NEBL: variants seen among roughly 807,000 people sequenced by gnomAD.
The protein encoded by NEBL is LIM and SH3 protein 2.
NEBL carries 122 observed loss-of-function variants against 140.2 expected under a neutral mutation model. The ratio of observed to expected loss-of-function variants is 0.87; its 90% CI spans 0.75 to 1.01. The LOEUF is 1.01. NEBL is among the 50% of genes least tolerant of loss of function. NEBL has a pLI of 0.00. For missense variants in NEBL, 1,365 were observed against 1,231.3 expected, an observed-to-expected ratio of 1.11 and a Z score of -1.62; for synonymous variants, 436 against 398.9, an observed-to-expected ratio of 1.09 and a Z score of -1.11.
chr10:21,104,677 G>C (rs1564512720), intron 2 of NEBL, among the ~76,000 whole-genome samples: 1 of 152,042 alleles, frequency 6.6e-6, no homozygotes, highest in Non-Finnish European at 1.5e-5. Flanking sequence ...TGTGAATGAA[G>C]GTAGTTGTAT....
At chr10:21,056,564 T>C (rs1835032478) in intron 2 of NEBL, among the ~76,000 whole-genome samples, 1 of 152,182 alleles carries the variant, frequency 6.6e-6, no homozygotes, top group Non-Finnish European at 1.5e-5. Flanking sequence ...ATGTTGAACA[T>C]GCATAGAGAA....
In NEBL at chr10:21,173,664, C is replaced by G; in HGVS notation, c.69+101G>C. On this transcript the variant is annotated intron_variant, in intron 1 of 6. Transcript: ENST00000417816. This position sits in a 1 kb window ranked among gnomAD's most constrained non-coding sequence, Gnocchi z 5.7. Reference sequence around the variant, plus strand: ...CGTGCCAAGGCACACGCACACGCACCGACCCACTCATTGCTTTCCATCCCA... The same window carrying G: ...CGTGCCAAGGCACACGCACACGCACGGACCCACTCATTGCTTTCCATCCCA... 2 of 1,580,264 alleles carry G rather than the reference C, an allele frequency of 1.3e-6. No individual in the cohort carries two copies. The highest frequency in any genetic ancestry group is 1.7e-6 in the Non-Finnish European group (2 of 1,161,674).
At chr10:20,984,678 C>A (rs1441480631) in intron 3 of NEBL, among the ~76,000 whole-genome samples, 1 of 151,972 alleles carries the variant, frequency 6.6e-6, no homozygotes, top group Non-Finnish European at 1.5e-5. Context: ...GCAGTTCTTC[C>A]TCACCAAGCA....
intron 19 of NEBL, among the ~76,000 whole-genome samples, chr10:20,819,900 G>A (rs1336073449): frequency 1.3e-5 from 2 of 151,884 alleles, no homozygotes; most frequent in Admixed American, 6.6e-5. Flanking sequence ...CTTATCAAAT[G>A]TTTTAAGTCA....
At chr10:21,157,857 G>A (rs897025886) in intron 2 of NEBL, among the ~76,000 whole-genome samples, 3 of 152,128 alleles carry the variant, frequency 2.0e-5, no homozygotes, top group African/African-American at 7.2e-5. Context: ...ATACAAGATG[G>A]CTGGTGTCCT....
At position 21,169,070 on chromosome 10, in the gene NEBL, ATATATAT is replaced by A. The variant is rs1564534607; in HGVS notation, c.164+3306_164+3312del. Among the ~76,000 whole-genome samples, 201 of 44,186 alleles carry A rather than the reference ATATATAT, an allele frequency of 4.5e-3. 2 individuals are homozygous for A. The highest frequency in any genetic ancestry group is 5.0e-3 in the Non-Finnish European group (126 of 25,102). 29.0% of individuals were successfully genotyped at this position (44,186 alleles called of 152,430 possible). A position where few individuals can be genotyped will look rare whatever the true frequency, so the allele number is the denominator to read the frequency against. ...TCTACAAAAAAAAAAAAAAAAAAATATATATATATATATATATATATATATATATATA... is the reference window on the plus strand; with the variant it reads ...TCTACAAAAAAAAAAAAAAAAAAATAATATATATATATATATATATATATA... On this transcript the variant is annotated intron_variant, in intron 2 of 6. Transcript: ENST00000417816.
chr10:21,263,703 G>A (rs1261945433), intron 1 of NEBL, among the ~76,000 whole-genome samples: 4 of 152,132 alleles, frequency 2.6e-5, no homozygotes, highest in African/African-American at 4.8e-5. Context: ...AGTGGCTCAC[G>A]CCTGTAATCC....
chr10:20,924,916 AAG>A (rs1346096420), intron 4 of NEBL, among the ~76,000 whole-genome samples: 1 of 152,084 alleles, frequency 6.6e-6, no homozygotes, highest in East Asian at 1.9e-4. Context: ...ACAAAGGACA[AAG>A]AGATGATCTG....
chr10:21,144,357 T>C (rs1839787787), intron 2 of NEBL, among the ~76,000 whole-genome samples: 1 of 152,170 alleles, frequency 6.6e-6, no homozygotes, highest in African/African-American at 2.4e-5. Context: ...CATTCAACCA[T>C]CCAAATCGCC....
rs7078595 is a variant in NEBL at position 20,889,075 on chromosome 10, T to C, written c.258+770A>G. ...AATTGTTTCGCATTAGCAGAAATAATCCCAAGGACATCCAGTTGATCTTTT... is the reference window on the plus strand; with the variant it reads ...AATTGTTTCGCATTAGCAGAAATAACCCCAAGGACATCCAGTTGATCTTTT... On this transcript the variant is annotated intron_variant, in intron 3 of 27. Coordinates refer to ENST00000377122, the MANE Select transcript of NEBL (RefSeq NM_006393.3). Among the ~76,000 whole-genome samples the C allele has an allele frequency of 4.7e-3, 721 of 152,310 alleles. 4 individuals are homozygous for C. The highest frequency in any genetic ancestry group is 0.016 in the African/African-American group (675 of 41,568).
intron 4 of NEBL, among the ~76,000 whole-genome samples, chr10:20,942,915 C>A (rs1834957668): frequency 1.3e-5 from 2 of 152,114 alleles, no homozygotes; most frequent in Admixed American, 1.3e-4. Context: ...GTTAGAATGG[C>A]GATCAGTAAA....
At chr10:21,242,695 A>G (rs1564548682) in intron 3 of NEBL, among the ~76,000 whole-genome samples, 1 of 152,172 alleles carries the variant, frequency 6.6e-6, no homozygotes, top group Non-Finnish European at 1.5e-5. Context: ...GAGCCACTAC[A>G]CTAATAATCC....
At chr10:20,806,321 A>G (rs1837613421) in intron 26 of NEBL, among the ~76,000 whole-genome samples, 1 of 152,174 alleles carries the variant, frequency 6.6e-6, no homozygotes, top group African/African-American at 2.4e-5. Context: ...ACTTGGATGG[A>G]TGATTTCCAA....
At chr10:21,184,008 CT>C (rs762041092) in intron 3 of NEBL, among the ~76,000 whole-genome samples, 52 of 152,168 alleles carry the variant, frequency 3.4e-4, no homozygotes, top group Non-Finnish European at 6.9e-4. Context: ...ATTGTGAGGC[CT>C]CCCCTGCCAC....
intron 26 of NEBL, among the ~76,000 whole-genome samples, chr10:20,797,733 G>A (rs1836693650): frequency 6.6e-6 from 1 of 152,124 alleles, no homozygotes; most frequent in South Asian, 2.1e-4. Context: ...AGCAAGGTAA[G>A]AACTTGACAG....
chr10:21,094,929 A>G (rs1837111388), intron 2 of NEBL, among the ~76,000 whole-genome samples: 1 of 152,346 alleles, frequency 6.6e-6, no homozygotes, highest in Non-Finnish European at 1.5e-5. Flanking sequence ...TTGGGCCAAC[A>G]GACAGAACAC....
At chr10:20,918,690 TA>T (rs1212759750) in intron 4 of NEBL, among the ~76,000 whole-genome samples, 34 of 140,820 alleles carry the variant, frequency 2.4e-4, no homozygotes, top group African/African-American at 2.6e-4. Context: ...CTACTAAAAA[TA>T]AAAAAAAAAA....
chr10:20,869,813 G>C lies in NEBL; in HGVS notation c.509C>G (p.Thr170Ser), dbSNP rs1564404256. Reference protein sequence around the residue: ...NISYRKDVQDTHTYSAELDRP... With the variant: ...NISYRKDVQDSHTYSAELDRP... Reference sequence around the variant, plus strand: ...GTCAAGTTCTGCACTGTACGTGTGGGTGTCCTGCACGTCTTTCCTATAAGA... The same window carrying C: ...GTCAAGTTCTGCACTGTACGTGTGGCTGTCCTGCACGTCTTTCCTATAAGA... Residue 170 changes from threonine (T) to serine (S), a missense_variant, in exon 6 of 28, where the codon ACC becomes AGC. Coordinates refer to ENST00000377122, the MANE Select transcript of NEBL (RefSeq NM_006393.3). 1 of 1,612,942 alleles carries C rather than the reference G, an allele frequency of 6.2e-7. No homozygotes were observed. Among genetic ancestry groups the C allele is most frequent in the African/African-American group, 1.3e-5 (1 of 74,844 alleles).
At chr10:21,092,586 T>TTAA (rs4025883) in intron 2 of NEBL, among the ~76,000 whole-genome samples, 5,513 of 142,046 alleles carry the variant, frequency 0.039, 152 homozygotes, top group East Asian at 0.14. Context: ...CCTCTATAAT[T>TTAA]TAATAATAAT....
Sources: gnomAD v4.1 joint callset for allele counts (sites outside exome capture counted in the v4.1 genomes callset) on GRCh38, gnomAD v4.1.1 for gene constraint, Gnocchi (gnomAD v3.1) non-coding constraint, MANE v1.5 for transcripts, NCBI Gene and HGNC (gene_info 2026-07-23, HGNC 2026-07-21) for gene names.